GALNTL6: variants seen among roughly 807,000 people sequenced by gnomAD.
The protein encoded by GALNTL6 is polypeptide N-acetylgalactosaminyltransferase-like 6.
GALNTL6 carries 46 observed loss-of-function variants against 73.7 expected under a neutral mutation model. The ratio of observed to expected loss-of-function variants is 0.62; its 90% CI spans 0.49 to 0.80. GALNTL6 has a LOEUF of 0.80. GALNTL6 is among the 30% of genes least tolerant of loss of function. The probability of loss-of-function intolerance (pLI) is 0.00; values close to 1 mark genes in which losing one functional copy is unlikely to be tolerated. For missense variants in GALNTL6, 604 were observed against 755.0 expected (o/e 0.80, Z 2.34); for synonymous variants, 259 against 263.7 (o/e 0.98, Z 0.17).
Position 172,462,925 on chromosome 4 carries a change from C to T in GALNTL6, c.553+114236C>T, listed in dbSNP as rs2111446563. Among the ~76,000 whole-genome samples the T allele has an allele frequency of 2.0e-5, 3 of 152,222 alleles. No homozygotes were observed. In the South Asian group the frequency reaches 6.2e-4, roughly 32 times the overall value. On this transcript the variant is annotated intron_variant, in intron 5 of 12. Coordinates refer to ENST00000506823, the MANE Select transcript of GALNTL6 (RefSeq NM_001034845.3). The stretch of plus-strand genomic sequence containing the variant: ...AAGACAATCCAGAAAAGTGTGAGGA[C>T]CATAATGAAATGTGTTGTAAAGAGT...
At chr4:172,772,794 T>C (rs1738851289) in intron 5 of GALNTL6, among the ~76,000 whole-genome samples, 1 of 152,192 alleles carries the variant, frequency 6.6e-6, no homozygotes, top group African/African-American at 2.4e-5. Flanking sequence ...AGAGGGACTT[T>C]GTGGATTTGA....
chr4:172,602,103 A>G (rs1258535971), intron 5 of GALNTL6, among the ~76,000 whole-genome samples: 1 of 152,160 alleles, frequency 6.6e-6, no homozygotes, highest in Admixed American at 6.6e-5. Flanking sequence ...TTAGGATTTT[A>G]TATCTAGTGA....
At chr4:172,006,699 G>A (rs1298842919) in intron 2 of GALNTL6, among the ~76,000 whole-genome samples, 2 of 151,916 alleles carry the variant, frequency 1.3e-5, no homozygotes, top group East Asian at 3.9e-4. Flanking sequence ...AAGTTCTTGG[G>A]GGGAATATCT....
chr4:172,163,343 T>C (rs556239011), intron 2 of GALNTL6, among the ~76,000 whole-genome samples: 35 of 152,190 alleles, frequency 2.3e-4, no homozygotes, highest in African/African-American at 8.2e-4. Context: ...TTTATTACTT[T>C]ATCCTGTGAT....
At chr4:172,984,128 C>T (rs1412774507) in intron 10 of GALNTL6, among the ~76,000 whole-genome samples, 2 of 152,258 alleles carry the variant, frequency 1.3e-5, no homozygotes, top group Non-Finnish European at 2.9e-5. Context: ...AGCAAAAATA[C>T]TTTGTGTGCC....
chr4:172,119,700 A>G (rs548413736), intron 2 of GALNTL6, among the ~76,000 whole-genome samples: 1 of 152,330 alleles, frequency 6.6e-6, no homozygotes, highest in East Asian at 1.9e-4. Flanking sequence ...AAACAGTCAT[A>G]AACAATGAAA....
intron 2 of GALNTL6, among the ~76,000 whole-genome samples, chr4:172,192,675 C>T (rs1360384657): frequency 1.3e-5 from 2 of 152,152 alleles, no homozygotes; most frequent in Non-Finnish European, 2.9e-5. Flanking sequence ...GCAACTCGCC[C>T]ATCAGGAGAT....
chr4:171,934,162 A>C (rs563713788), intron 2 of GALNTL6, among the ~76,000 whole-genome samples: 1 of 152,308 alleles, frequency 6.6e-6, no homozygotes, highest in Non-Finnish European at 1.5e-5. Flanking sequence ...GTTTCTTAAA[A>C]GTCTATTGGC....
chr4:172,321,394 T>A (rs149343349), intron 4 of GALNTL6, among the ~76,000 whole-genome samples: 1 of 152,130 alleles, frequency 6.6e-6, no homozygotes, highest in African/African-American at 2.4e-5. Flanking sequence ...CAAAAACTTA[T>A]AAGCCATGCA....
At chr4:171,971,916 G>T (rs551392577) in intron 2 of GALNTL6, among the ~76,000 whole-genome samples, 7 of 152,104 alleles carry the variant, frequency 4.6e-5, no homozygotes, top group African/African-American at 1.4e-4. Context: ...GTCTGGGATG[G>T]TTCAGCTAGG....
At chr4:172,403,247 G>C (rs1312952132) in intron 5 of GALNTL6, among the ~76,000 whole-genome samples, 1 of 151,750 alleles carries the variant, frequency 6.6e-6, no homozygotes, top group Non-Finnish European at 1.5e-5. Context: ...CTATAGAATG[G>C]GATCTTTTTG....
At chr4:172,344,145 T>C (rs1741661629) in intron 4 of GALNTL6, among the ~76,000 whole-genome samples, 1 of 152,232 alleles carries the variant, frequency 6.6e-6, no homozygotes, top group African/African-American at 2.4e-5. Context: ...AAATTGTGTT[T>C]GACTTTATTT....
chr4:172,103,074 T>C (rs189959981), intron 2 of GALNTL6, among the ~76,000 whole-genome samples: 116 of 152,216 alleles, frequency 7.6e-4, no homozygotes, highest in Non-Finnish European at 1.4e-3. Flanking sequence ...TACATAAAAG[T>C]ATGGTTGGCC....
intron 12 of GALNTL6, among the ~76,000 whole-genome samples, chr4:173,030,995 T>G (rs1022700103): frequency 6.7e-6 from 1 of 148,424 alleles, no homozygotes; most frequent in African/African-American, 2.5e-5. Context: ...CCCAGCAAGA[T>G]CCTGTCTCAA....
At chr4:172,178,435 A>G (rs1027668371) in intron 2 of GALNTL6, among the ~76,000 whole-genome samples, 8 of 151,964 alleles carry the variant, frequency 5.3e-5, no homozygotes, top group Admixed American at 2.6e-4. Context: ...TCAACCCCCA[A>G]CAGGCTGCAG....
rs940729191 is a variant in GALNTL6 at position 172,085,273 on chromosome 4, G to A, written c.139-144383G>A. Reference sequence around the variant, plus strand: ...TAAAATACTAAGAAATGTATAAATTGGTTACTTTTTAAGGAAGGGGAAAAA... The same window carrying A: ...TAAAATACTAAGAAATGTATAAATTAGTTACTTTTTAAGGAAGGGGAAAAA... On this transcript the variant is annotated intron_variant, in intron 2 of 12. Transcript: ENST00000506823. Among the ~76,000 whole-genome samples the A allele has an allele frequency of 2.5e-4, 38 of 152,184 alleles. 1 individual carries two copies. The highest frequency in any genetic ancestry group is 8.9e-4 in the African/African-American group (37 of 41,528).
intron 5 of GALNTL6, among the ~76,000 whole-genome samples, chr4:172,516,183 C>A (rs1734602001): frequency 6.6e-6 from 1 of 152,194 alleles, no homozygotes; most frequent in East Asian, 1.9e-4. Context: ...AAATGCTAGT[C>A]AGTGGTGAGG....
chr4:171,814,976 G>T, intron 2 of GALNTL6: 1 of 538,026 alleles, frequency 1.9e-6, no homozygotes, highest in Non-Finnish European at 3.3e-6. Context: ...TTTCACCATT[G>T]GTCTTAGGTT....
At chr4:172,923,758 A>G (rs761790456) in intron 8 of GALNTL6, among the ~76,000 whole-genome samples, 10 of 152,164 alleles carry the variant, frequency 6.6e-5, no homozygotes, top group Non-Finnish European at 1.3e-4. Context: ...AGGCCTCACT[A>G]TCATGGTGGA....
Sources: allele counts gnomAD v4.1 joint callset (sites outside exome capture counted in the v4.1 genomes callset), GRCh38; gene constraint gnomAD v4.1.1; transcripts MANE v1.5; gene names NCBI Gene and HGNC (gene_info 2026-07-23, HGNC 2026-07-21).